Variants in SPATA9 observed in about 807,000 individuals in gnomAD.
SPATA9 encodes the protein spermatogenesis-associated protein 9.
In SPATA9, 27 loss-of-function variants were observed where a neutral mutation model predicts 25.5. The observed-to-expected ratio is 1.06, with a 90% CI of 0.78 to 1.46. The LOEUF (loss-of-function observed/expected upper bound fraction) is 1.46, where lower values mean the gene tolerates loss of function less well. Among genes scored for constraint, SPATA9 ranks in the 40% most tolerant of loss-of-function variants. The probability of loss-of-function intolerance (pLI) is 0.00; values close to 1 mark genes in which losing one functional copy is unlikely to be tolerated. For synonymous variants in SPATA9, 102 were observed against 105.7 expected, an observed-to-expected ratio of 0.97 and a Z score of 0.21; for missense variants, 282 against 297.5, an observed-to-expected ratio of 0.95 and a Z score of 0.38.
intron 3 of SPATA9, among the ~76,000 whole-genome samples, chr5:95,664,428 T>C (rs1302557934): frequency 1.3e-5 from 2 of 152,198 alleles, no homozygotes; most frequent in Non-Finnish European, 2.9e-5. Flanking sequence ...TAAACAGCAA[T>C]CAAAATAATA....
chr5:95,654,497 A>G, downstream of SPATA9: 1 of 674,426 alleles, frequency 1.5e-6, no homozygotes, highest in Non-Finnish European at 2.5e-6. Context: ...TCATAAGATA[A>G]ATGAGAAATA....
At chr5:95,679,736 C>A (rs1753261647) in intron 2 of SPATA9, among the ~76,000 whole-genome samples, 1 of 152,204 alleles carries the variant, frequency 6.6e-6, no homozygotes, top group Non-Finnish European at 1.5e-5. Flanking sequence ...TCCCCCAGGG[C>A]TATTATCTTA....
upstream of SPATA9, among the ~76,000 whole-genome samples, chr5:95,698,964 G>A (rs916815513): frequency 1.3e-5 from 2 of 152,156 alleles, no homozygotes; most frequent in Non-Finnish European, 2.9e-5. Flanking sequence ...TTTGAAAGGG[G>A]TGGGAGTGGA....
At chr5:95,699,057 AT>A (rs1421130581), upstream of SPATA9, among the ~76,000 whole-genome samples, 1 of 152,218 alleles carries the variant, frequency 6.6e-6, no homozygotes, top group African/African-American at 2.4e-5. Context: ...AGTTCAACTC[AT>A]TTAATAAAGT....
chr5:95,731,682 C>A, the SPATA9 span: 1 of 1,613,458 alleles, frequency 6.2e-7, no homozygotes, highest in East Asian at 2.2e-5. Flanking sequence ...GATTTGAGAT[C>A]ATGTACGTAC....
downstream of SPATA9, chr5:95,657,970 A>G (rs1408675487): frequency 6.6e-6 from 1 of 152,220 alleles, no homozygotes; most frequent in Middle Eastern, 3.2e-3. Context: ...ATAATTACAG[A>G]AATATTTTCT....
At chr5:95,702,630 C>A (rs1754206538), upstream of SPATA9, among the ~76,000 whole-genome samples, 1 of 152,136 alleles carries the variant, frequency 6.6e-6, no homozygotes. Context: ...AATCCCAGCA[C>A]TTTCAGAGGC....
At chr5:95,653,153 G>A in exon 9 of SPATA9, 1 of 1,551,660 alleles carries the variant, frequency 6.4e-7, no homozygotes, top group Non-Finnish European at 8.7e-7. Flanking sequence ...GGCATGTCTA[G>A]TTCATTTGCA....
intron 1 of SPATA9, among the ~76,000 whole-genome samples, chr5:95,690,557 T>C (rs1001250544): frequency 2.0e-5 from 3 of 152,170 alleles, no homozygotes; most frequent in African/African-American, 7.2e-5. Context: ...GTTGTGATGA[T>C]TTGGGCTTTG....
chr5:95,656,340 G>A (rs757892353), downstream of SPATA9: 3 of 1,540,020 alleles, frequency 1.9e-6, no homozygotes, highest in East Asian at 2.2e-5. Context: ...AAAATGTTGT[G>A]TATGCTTGAA....
At chr5:95,654,337 A>G (rs763885147), downstream of SPATA9, 1 of 1,609,262 alleles carries the variant, frequency 6.2e-7, no homozygotes. Flanking sequence ...TTTCAGACTC[A>G]GGAGGACCTT....
rs764129869 is a variant in SPATA9, at chr5:95,675,443, T to C, written c.347A>G (p.Asn116Ser). 2.5e-6 allele frequency: 4 copies of C among 1,614,050 alleles called. No homozygotes were observed. Among genetic ancestry groups the C allele is most frequent in the Non-Finnish European group, 3.4e-6 (4 of 1,180,040 alleles). The change falls in exon 3 of 5, where the codon AAT (asparagine) becomes AGT (serine). Residue 116 changes from asparagine (N) to serine (S), a missense_variant. Physicochemically the swap from Asn to Ser is conservative, Grantham distance 46. Transcript: ENST00000274432. ...GTTATATAGGGGTTGCCTCGGCGCA[T>C]TAACTTCCCTCAGCAGACGACCAGA... ...DISGRLLREV[N>S]APRQPLYNIQ...
the SPATA9 span, among the ~76,000 whole-genome samples, chr5:95,708,077 G>A: frequency 6.6e-6 from 1 of 152,164 alleles, no homozygotes; most frequent in Admixed American, 6.5e-5. Flanking sequence ...AGCTAACTCT[G>A]ATTAAAGTAG....
rs575355183 is a variant in SPATA9 at position 95,679,928 on chromosome 5, C to T, written c.150+2600G>A. On this transcript the variant is annotated intron_variant, in intron 2 of 4. Transcript: ENST00000274432. ...TGTTTGTTTTTTTGAGACGGAATCT[C>T]GCTCTGTCGCCCAGGCTGGCGTGCA... Among the ~76,000 whole-genome samples, 7 of 152,338 alleles carry T rather than the reference C, an allele frequency of 4.6e-5. No homozygotes were observed. The South Asian group carries it at 1.5e-3, about 32-fold the overall frequency.
At chr5:95,654,334 C>T (rs1467406753), downstream of SPATA9, 2 of 1,608,918 alleles carry the variant, frequency 1.2e-6, no homozygotes, top group Non-Finnish European at 8.5e-7. Flanking sequence ...CCTTTTCAGA[C>T]TCAGGAGGAC....
chr5:95,670,822 G>T, intron 3 of SPATA9: 1 of 984,382 alleles, frequency 1.0e-6, no homozygotes, highest in Non-Finnish European at 1.2e-6. Context: ...CATACATTCC[G>T]GTTGCACCTT....
downstream of SPATA9, chr5:95,654,374 A>T: frequency 1.3e-6 from 2 of 1,570,188 alleles, no homozygotes; most frequent in Non-Finnish European, 1.7e-6. Context: ...AGAGGTATGT[A>T]AAATTAAATT....
upstream of SPATA9, among the ~76,000 whole-genome samples, chr5:95,701,920 C>T (rs1029367242): frequency 6.6e-6 from 1 of 152,084 alleles, no homozygotes; most frequent in Non-Finnish European, 1.5e-5. Flanking sequence ...TAGAAAAAAA[C>T]AGTAACAACA....
At chr5:95,700,244 A>G (rs150119931), upstream of SPATA9, among the ~76,000 whole-genome samples, 205 of 152,300 alleles carry the variant, frequency 1.3e-3, 1 homozygote, top group African/African-American at 4.8e-3. Context: ...TATTTTAGAT[A>G]GTAGTGGGTG....
Sources: allele counts gnomAD v4.1 joint callset (sites outside exome capture counted in the v4.1 genomes callset), GRCh38; gene constraint gnomAD v4.1.1; transcripts MANE v1.5; gene names NCBI Gene and HGNC (gene_info 2026-07-23, HGNC 2026-07-21).